The following SEMA3C variants were observed in gnomAD, a reference collection of about 807,000 sequenced individuals.
SEMA3C encodes semaphorin-3C.
Under a neutral mutation model 89.4 loss-of-function variants are expected in SEMA3C, and 47 were observed. The observed-to-expected ratio is 0.53, with a 90% CI of 0.42 to 0.67. The LOEUF is 0.67. Ranked by LOEUF, SEMA3C falls within the 30% of genes least tolerant of loss-of-function variation. SEMA3C has a pLI of 0.00. For missense variants in SEMA3C, 839 were observed against 929.1 expected, an observed-to-expected ratio of 0.90 and a Z score of 1.26; for synonymous variants, 310 against 320.2, an observed-to-expected ratio of 0.97 and a Z score of 0.34.
intron 2 of SEMA3C, among the ~76,000 whole-genome samples, chr7:80,880,493 T>C (rs557783831): frequency 6.6e-6 from 1 of 152,324 alleles, no homozygotes; most frequent in South Asian, 2.1e-4. Context: ...TGTTTAAAAA[T>C]CATAGTGGTT....
intron 2 of SEMA3C, among the ~76,000 whole-genome samples, chr7:80,855,422 T>C (rs1411560055): frequency 1.3e-5 from 2 of 152,126 alleles, no homozygotes; most frequent in Admixed American, 1.3e-4. Flanking sequence ...AGGTGAGCAC[T>C]ACCATTCCTG....
At chr7:80,779,706 A>G (rs914064837) in intron 12 of SEMA3C, among the ~76,000 whole-genome samples, 2 of 152,204 alleles carry the variant, frequency 1.3e-5, no homozygotes, top group African/African-American at 2.4e-5. Context: ...ATGCTCTTGT[A>G]TAACTCCTCC....
intron 12 of SEMA3C, among the ~76,000 whole-genome samples, chr7:80,771,551 C>T (rs1201364376): frequency 6.6e-6 from 1 of 152,144 alleles, no homozygotes; most frequent in Non-Finnish European, 1.5e-5. Context: ...CTGTCTCTAG[C>T]CAAGAAATCA....
In SEMA3C at chr7:80,745,011, C is replaced by G. The variant is rs1267930958; in HGVS notation, c.2139G>C (p.Arg713=). The change falls in exon 18 of 18, where the codon CGG becomes CGC. Residue 713 remains arginine, a synonymous_variant. Transcript: ENST00000265361. ...ATTCATCTCCCTGCTGATGTTGCTG[C>G]CGAGTGTCTTTGCAATATTGGTTAA... is the stretch of plus-strand genomic sequence containing the variant. ...QMINQYCKDT[R]QQHQQGDESQ... is the part of the protein sequence containing the mutation. 6.2e-7 allele frequency: 1 copy of G among 1,614,106 alleles called. No homozygotes were observed. Among genetic ancestry groups the G allele is most frequent in the Non-Finnish European group, 8.5e-7 (1 of 1,179,996 alleles).
intron 2 of SEMA3C, among the ~76,000 whole-genome samples, chr7:80,873,581 T>A (rs1376311330): frequency 2.0e-5 from 3 of 152,200 alleles, no homozygotes; most frequent in Admixed American, 2.0e-4. Context: ...AGCCGTAGTC[T>A]CCACCATCCC....
At chr7:80,794,105 G>GC (rs1489652735) in intron 11 of SEMA3C, among the ~76,000 whole-genome samples, 3 of 151,436 alleles carry the variant, frequency 2.0e-5, no homozygotes, top group African/African-American at 7.3e-5. Context: ...ACATATAAAA[G>GC]CCCACTGCTC....
intron 2 of SEMA3C, among the ~76,000 whole-genome samples, chr7:80,881,212 C>A (rs1791332930): frequency 6.7e-6 from 1 of 148,968 alleles, no homozygotes; most frequent in Non-Finnish European, 1.5e-5. Flanking sequence ...CACACACACT[C>A]TCTCTCATGT....
intron 15 of SEMA3C, 132 bp from the exon 16 acceptor site, chr7:80,751,468 C>A: frequency 2.9e-6 from 2 of 697,398 alleles, no homozygotes; most frequent in East Asian, 2.7e-5. Flanking sequence ...AAAAAGAGTT[C>A]TGATTGATGC....
intron 2 of SEMA3C, among the ~76,000 whole-genome samples, chr7:80,845,187 G>A (rs10487876): frequency 0.036 from 5,545 of 152,040 alleles, 272 homozygotes; most frequent in East Asian, 0.13. Context: ...GTTCCCTCAC[G>A]CAGACTGAAA....
chr7:80,771,913 C>T (rs889068962), intron 12 of SEMA3C, among the ~76,000 whole-genome samples: 7 of 152,042 alleles, frequency 4.6e-5, no homozygotes, highest in South Asian at 2.1e-4. Flanking sequence ...TAGGCAGCCC[C>T]GTACACGATA....
intron 12 of SEMA3C, among the ~76,000 whole-genome samples, chr7:80,775,361 A>G (rs78770163): frequency 0.012 from 1,887 of 152,222 alleles, 19 homozygotes; most frequent in Non-Finnish European, 0.018. Flanking sequence ...TGAAATAAGA[A>G]CAAAGCTGAC....
chr7:80,866,402 A>G (rs1373442331), intron 2 of SEMA3C, among the ~76,000 whole-genome samples: 2 of 152,188 alleles, frequency 1.3e-5, no homozygotes, highest in East Asian at 3.9e-4. Context: ...CTAGAATCAA[A>G]TCTTTCAACA....
intron 10 of SEMA3C, among the ~76,000 whole-genome samples, chr7:80,798,648 A>C (rs1374197381): frequency 6.6e-6 from 1 of 152,184 alleles, no homozygotes; most frequent in Non-Finnish European, 1.5e-5. Context: ...ATTGAACACC[A>C]TATCTTTTTG....
At chr7:80,858,844 T>C (rs930782940) in intron 2 of SEMA3C, among the ~76,000 whole-genome samples, 1 of 152,186 alleles carries the variant, frequency 6.6e-6, no homozygotes, top group African/African-American at 2.4e-5. Context: ...AGAGCAAGTA[T>C]GAATTCGAGG....
intron 12 of SEMA3C, among the ~76,000 whole-genome samples, chr7:80,782,544 A>C (rs1788714008): frequency 6.6e-6 from 1 of 152,226 alleles, no homozygotes; most frequent in Non-Finnish European, 1.5e-5. Context: ...AAATGAGGTA[A>C]AAATGTGAAG....
At chr7:80,867,367 G>A (rs1403403301) in intron 2 of SEMA3C, among the ~76,000 whole-genome samples, 1 of 151,966 alleles carries the variant, frequency 6.6e-6, no homozygotes, top group African/African-American at 2.4e-5. Context: ...TCCTAAAGTA[G>A]TGGGATTACA....
intron 12 of SEMA3C, among the ~76,000 whole-genome samples, chr7:80,771,208 C>G (rs1788424698): frequency 6.6e-6 from 1 of 152,294 alleles, no homozygotes; most frequent in East Asian, 1.9e-4. Context: ...TTAGCTCCAT[C>G]GCTGAGTACA....
intron 2 of SEMA3C, among the ~76,000 whole-genome samples, chr7:80,912,020 A>G (rs1584004103): frequency 6.6e-6 from 1 of 152,294 alleles, no homozygotes; most frequent in East Asian, 1.9e-4. Context: ...ACACTAAAGC[A>G]TTCCTTCTTT....
At chr7:80,905,252 T>G (rs529193999) in intron 2 of SEMA3C, among the ~76,000 whole-genome samples, 1,527 of 32,686 alleles carry the variant, frequency 0.047, 21 homozygotes, top group Non-Finnish European at 0.055. Flanking sequence ...GAGGGAGAGA[T>G]AGGGAGAGAG....
Sources: gnomAD v4.1 joint callset for allele counts (sites outside exome capture counted in the v4.1 genomes callset) on GRCh38, gnomAD v4.1.1 for gene constraint, MANE v1.5 for transcripts, NCBI Gene and HGNC (gene_info 2026-07-23, HGNC 2026-07-21) for gene names.